The following PDE6D variants were observed in gnomAD, a reference collection of about 807,000 sequenced individuals.
PDE6D encodes phosphodiesterase 6D.
PDE6D carries 10 observed loss-of-function variants against 21.9 expected under a neutral mutation model. The observed-to-expected ratio is 0.46, with a 90% CI of 0.28 to 0.78. The LOEUF is 0.78. PDE6D is among the 30% of genes least tolerant of loss of function. The probability of loss-of-function intolerance (pLI) is 0.12; values close to 1 mark genes in which losing one functional copy is unlikely to be tolerated. For synonymous variants in PDE6D, 59 were observed against 63.5 expected, an observed-to-expected ratio of 0.93 and a Z score of 0.34; for missense variants, 139 against 184.8, an observed-to-expected ratio of 0.75 and a Z score of 1.44.
At chr2:231,749,228 G>A (rs557913914) in intron 1 of PDE6D, among the ~76,000 whole-genome samples, 104 of 152,294 alleles carry the variant, frequency 6.8e-4, no homozygotes, top group African/African-American at 2.4e-3. Context: ...CCAAGACCAT[G>A]AGAACCCGCC....
At chr2:231,757,946 C>A (rs1177747163) in intron 1 of PDE6D, among the ~76,000 whole-genome samples, 1 of 151,338 alleles carries the variant, frequency 6.6e-6, no homozygotes, top group South Asian at 2.1e-4. Context: ...ATGAGCATGG[C>A]CCCTTAAAAA....
intron 1 of PDE6D, among the ~76,000 whole-genome samples, chr2:231,757,733 T>C (rs948719547): frequency 2.0e-5 from 3 of 152,238 alleles, no homozygotes; most frequent in African/African-American, 4.8e-5. Flanking sequence ...ATGTTCATAA[T>C]GTATTGATAT....
At chr2:231,747,619 T>C (rs910116642) in intron 1 of PDE6D, among the ~76,000 whole-genome samples, 17 of 152,216 alleles carry the variant, frequency 1.1e-4, no homozygotes, top group African/African-American at 3.4e-4. Flanking sequence ...AAAGGGTCTT[T>C]TAAAACTGTA....
At chr2:231,755,691 C>T (rs1055841307) in intron 1 of PDE6D, among the ~76,000 whole-genome samples, 3 of 152,062 alleles carry the variant, frequency 2.0e-5, no homozygotes, top group Admixed American at 6.6e-5. Flanking sequence ...GAGGCTGAGG[C>T]GGGCGGATCA....
intron 1 of PDE6D, among the ~76,000 whole-genome samples, chr2:231,755,389 G>A (rs1375968183): frequency 6.6e-6 from 1 of 152,238 alleles, no homozygotes; most frequent in Admixed American, 6.5e-5. Context: ...TGCTCAAACC[G>A]ATGACAATTC....
intron 4 of PDE6D, among the ~76,000 whole-genome samples, chr2:231,734,798 G>C (rs927546379): frequency 2.1e-5 from 3 of 144,588 alleles, no homozygotes; most frequent in Admixed American, 7.0e-5. Flanking sequence ...AGTGAGCTGG[G>C]ATCATGCTAC....
chr2:231,780,173 ACCAC>A, intron 1 of PDE6D, among the ~76,000 whole-genome samples: 1 of 152,172 alleles, frequency 6.6e-6, no homozygotes, highest in Non-Finnish European at 1.5e-5. Context: ...CAAAAGGGGC[ACCAC>A]AACAGGCCCG....
rs150617035 is a variant in PDE6D, at chr2:231,769,759, G to A, written c.50+11306C>T. On this transcript the variant is annotated intron_variant, in intron 1 of 4. Coordinates refer to ENST00000287600, the MANE Select transcript of PDE6D (RefSeq NM_002601.4). The stretch of plus-strand genomic sequence containing the variant: ...CTCCTGAATAGCTGAGACCACAGAT[G>A]GGACCACATTTTTTAACAGAGAATC... 1.8e-3 allele frequency among the ~76,000 whole-genome samples: 271 copies of A among 152,172 alleles called. 1 individual carries two copies. The highest frequency in any genetic ancestry group is 6.3e-4 in the Non-Finnish European group (43 of 68,002).
At chr2:231,769,258 T>C (rs902682144) in intron 1 of PDE6D, among the ~76,000 whole-genome samples, 8 of 152,206 alleles carry the variant, frequency 5.3e-5, no homozygotes, top group Non-Finnish European at 1.5e-5. Context: ...GGCCAGTGAG[T>C]GGCAGCACTA....
intron 1 of PDE6D, among the ~76,000 whole-genome samples, chr2:231,764,247 T>G (rs1338039628): frequency 1.3e-5 from 2 of 152,000 alleles, no homozygotes; most frequent in Non-Finnish European, 2.9e-5. Flanking sequence ...AGTGAGACTG[T>G]GTCTCAACAA....
chr2:231,763,729 G>A (rs1436948988), intron 1 of PDE6D, among the ~76,000 whole-genome samples: 3 of 150,288 alleles, frequency 2.0e-5, no homozygotes, highest in African/African-American at 7.4e-5. Flanking sequence ...CCAAATTTTT[G>A]GGTTCAAGTG....
intron 1 of PDE6D, among the ~76,000 whole-genome samples, chr2:231,774,593 CT>C (rs141853180): frequency 0.27 from 40,233 of 147,592 alleles, 5,545 homozygotes; most frequent in Non-Finnish European, 0.33. Flanking sequence ...TGAATATTAT[CT>C]TTTTTTTTTT....
intron 1 of PDE6D, among the ~76,000 whole-genome samples, chr2:231,746,567 T>C (rs2048795595): frequency 6.6e-6 from 1 of 152,144 alleles, no homozygotes; most frequent in Non-Finnish European, 1.5e-5. Context: ...TTGGAATGAG[T>C]ACACTGGTTC....
intron 1 of PDE6D, among the ~76,000 whole-genome samples, chr2:231,760,205 A>G (rs1285659700): frequency 6.6e-6 from 1 of 152,198 alleles, no homozygotes; most frequent in Non-Finnish European, 1.5e-5. Flanking sequence ...AGACTTTACC[A>G]AGATATGGAA....
chr2:231,781,173 T>A lies in PDE6D; in HGVS notation c.-59A>T, dbSNP rs2049120773. On this transcript the variant is annotated 5_prime_UTR_variant, in exon 1 of 5. Transcript: ENST00000287600. ...CTGGTCGGCGGAGCCTCGCAGACGG[T>A]GCCCAGGAGCCGAGGATGGAGCCGC... 6.4e-7 allele frequency: 1 copy of A among 1,558,320 alleles called. No homozygotes were observed. Among genetic ancestry groups the A allele is most frequent in the Admixed American group, 1.7e-5 (1 of 59,352 alleles).
chr2:231,766,590 C>T (rs1574632378), intron 1 of PDE6D, among the ~76,000 whole-genome samples: 1 of 152,288 alleles, frequency 6.6e-6, no homozygotes, highest in East Asian at 1.9e-4. Context: ...AGGGATATTG[C>T]CTTGAATCCT....
At chr2:231,747,308 C>A (rs897887052) in intron 1 of PDE6D, among the ~76,000 whole-genome samples, 1 of 152,190 alleles carries the variant, frequency 6.6e-6, no homozygotes, top group Non-Finnish European at 1.5e-5. Context: ...CCAGGCTGGT[C>A]TTGAACTCCT....
intron 1 of PDE6D, among the ~76,000 whole-genome samples, chr2:231,758,014 T>C (rs1426661902): frequency 3.3e-5 from 5 of 152,220 alleles, no homozygotes; most frequent in Non-Finnish European, 7.3e-5. Context: ...CACAGATTAC[T>C]GGGTTTAATA....
chr2:231,757,117 C>A (rs1043160807), intron 1 of PDE6D, among the ~76,000 whole-genome samples: 1 of 151,854 alleles, frequency 6.6e-6, no homozygotes, highest in South Asian at 2.1e-4. Context: ...TGCCACCACA[C>A]CTGGCTAATT....
Sources: allele counts gnomAD v4.1 joint callset (sites outside exome capture counted in the v4.1 genomes callset), GRCh38; gene constraint gnomAD v4.1.1; transcripts MANE v1.5; gene names NCBI Gene and HGNC (gene_info 2026-07-23, HGNC 2026-07-21).